The following ANKRD12 variants were observed in gnomAD, a reference collection of about 807,000 sequenced individuals.
ANKRD12 encodes ankyrin repeat domain 12.
A neutral mutation model predicts 183.4 loss-of-function variants in ANKRD12; 85 were observed. That is an observed-to-expected ratio of 0.46 (90% CI 0.39 to 0.56). ANKRD12 has a LOEUF of 0.56. Ranked by LOEUF, ANKRD12 falls within the 20% of genes least tolerant of loss-of-function variation. The pLI is 0.00. For missense variants in ANKRD12, 2,405 were observed against 2,357.1 expected (o/e 1.02, Z -0.42); for synonymous variants, 914 against 800.2 (o/e 1.14, Z -2.40).
In ANKRD12 at chr18:9,254,928, A is replaced by G. The variant is rs755522263; in HGVS notation, c.1661A>G (p.Gln554Arg). 1.9e-6 allele frequency: 3 copies of G among 1,584,072 alleles called. No homozygotes were observed. Among genetic ancestry groups the G allele is most frequent in the East Asian group, 4.5e-5 (2 of 44,446 alleles). The change falls in exon 9 of 13, where the codon CAG becomes CGG. Residue 554 changes from glutamine (Q) to arginine (R), a missense_variant. Physicochemically the swap from Gln to Arg is conservative, Grantham distance 43. This residue lies in a region of ANKRD12 where 1,983 missense variants were observed against 1,725.9 expected (regional missense o/e 1.15). Coordinates refer to ENST00000262126, the MANE Select transcript of ANKRD12 (RefSeq NM_015208.5). Reference protein sequence around the residue: ...PKHSCGLSEKQSTPLKQEHTK... With the variant: ...PKHSCGLSEKRSTPLKQEHTK... ...CATTCTTGTGGATTAAGTGAAAAAC[A>G]GTCAACACCACTAAAACAAGAACAT...
intron 10 of ANKRD12, among the ~76,000 whole-genome samples, chr18:9,272,089 A>C (rs976060564): frequency 6.6e-6 from 1 of 152,208 alleles, no homozygotes; most frequent in Admixed American, 6.5e-5. Flanking sequence ...GAAGCAATAC[A>C]TTGGCACACC....
chr18:9,209,597 T>C (rs1233193426), intron 5 of ANKRD12, among the ~76,000 whole-genome samples: 2 of 152,184 alleles, frequency 1.3e-5, no homozygotes, highest in Middle Eastern at 3.2e-3. Context: ...TGAGCGTATC[T>C]AATATCTGTC....
At chr18:9,153,621 AT>A (rs924679243) in intron 1 of ANKRD12, among the ~76,000 whole-genome samples, 1 of 151,514 alleles carries the variant, frequency 6.6e-6, no homozygotes, top group African/African-American at 2.4e-5. Flanking sequence ...ATTACTGGTC[AT>A]TTTTTCAAAT....
At chr18:9,170,970 C>T (rs74910346) in intron 1 of ANKRD12, among the ~76,000 whole-genome samples, 5 of 152,306 alleles carry the variant, frequency 3.3e-5, no homozygotes, top group Admixed American at 6.5e-5. Context: ...TAGAGGTCCA[C>T]TCCAGACCCT....
Position 9,283,349 on chromosome 18 carries a change from T to C in ANKRD12, c.*2223T>C, listed in dbSNP as rs1196979541. ...GTCTTAACCACAGTTCTCACTCTCT[T>C]AAATGGTACCTCAAAAAGCTGGAGC... On this transcript the variant is annotated 3_prime_UTR_variant, in exon 13 of 13. Coordinates refer to ENST00000262126, the MANE Select transcript of ANKRD12 (RefSeq NM_015208.5). 6.6e-6 allele frequency: 1 copy of C among 152,186 alleles called. No homozygotes were observed. Among genetic ancestry groups the C allele is most frequent in the Non-Finnish European group, 1.5e-5 (1 of 68,014 alleles). The allele number at this position is 152,186 out of a possible 1,614,324, so 9.4% of individuals were successfully genotyped here. A position where few individuals can be genotyped will look rare whatever the true frequency, so the allele number is the denominator to read the frequency against.
chr18:9,250,151 A>G (rs1372478136), intron 8 of ANKRD12: 2 of 152,186 alleles, frequency 1.3e-5, no homozygotes, highest in Non-Finnish European at 2.9e-5. Context: ...AATTGATTAC[A>G]ACTAGTTACA....
chr18:9,150,762 T>A (rs1262459564), intron 1 of ANKRD12, among the ~76,000 whole-genome samples: 1 of 152,192 alleles, frequency 6.6e-6, no homozygotes, highest in Non-Finnish European at 1.5e-5. Flanking sequence ...CAGGCCATTC[T>A]CCTGCCTCAG....
At chr18:9,238,845 G>A (rs2037496471) in intron 8 of ANKRD12, among the ~76,000 whole-genome samples, 1 of 152,176 alleles carries the variant, frequency 6.6e-6, no homozygotes, top group Admixed American at 6.5e-5. Context: ...TTTAAGGCTG[G>A]GTGCAGTGGC....
chr18:9,234,423 G>C (rs1274023875), intron 8 of ANKRD12, among the ~76,000 whole-genome samples: 1 of 152,198 alleles, frequency 6.6e-6, no homozygotes, highest in East Asian at 1.9e-4. Context: ...GCTGTATGCA[G>C]GGAGCTCTGG....
chr18:9,165,123 G>C (rs948741190), intron 1 of ANKRD12, among the ~76,000 whole-genome samples: 1 of 152,062 alleles, frequency 6.6e-6, no homozygotes, highest in African/African-American at 2.4e-5. Flanking sequence ...AGCTCTTCTC[G>C]TTGAACTGAA....
intron 8 of ANKRD12, among the ~76,000 whole-genome samples, chr18:9,228,413 T>A (rs2036847324): frequency 6.6e-6 from 1 of 152,184 alleles, no homozygotes; most frequent in Non-Finnish European, 1.5e-5. Flanking sequence ...CCATAGCAGT[T>A]GTACTAATTT....
At chr18:9,208,559 CAT>C (rs1340408030) in intron 4 of ANKRD12, 96 bp from the exon 5 acceptor site, 1 of 986,038 alleles carries the variant, frequency 1.0e-6, no homozygotes, top group Non-Finnish European at 1.4e-6. Flanking sequence ...ACACATTTCT[CAT>C]ATATATGTAC....
chr18:9,144,263 G>A (rs956839689), intron 1 of ANKRD12, among the ~76,000 whole-genome samples: 1 of 151,942 alleles, frequency 6.6e-6, no homozygotes, highest in Non-Finnish European at 1.5e-5. Context: ...ATAATAAAAA[G>A]GTTATTAATT....
chr18:9,170,020 T>C (rs1425956688), intron 1 of ANKRD12, among the ~76,000 whole-genome samples: 1 of 152,240 alleles, frequency 6.6e-6, no homozygotes, highest in East Asian at 1.9e-4. Context: ...TTATTTTCTT[T>C]AAGAATGTTG....
Position 9,255,541 on chromosome 18 carries a change from C to A in ANKRD12, c.2274C>A (p.Ser758Arg). ...KEERDKIKKE[S>R]EKSFREEKIK... is the part of the protein sequence containing the mutation. Reference sequence around the variant, plus strand: ...AACGAGACAAGATTAAAAAGGAAAGCGAGAAATCTTTTAGGGAGGAAAAAA... The same window carrying A: ...AACGAGACAAGATTAAAAAGGAAAGAGAGAAATCTTTTAGGGAGGAAAAAA... The change falls in exon 9 of 13, where the codon AGC (serine) becomes AGA (arginine). Residue 758 changes from serine to arginine, a missense_variant. Ser to Arg is a moderately radical substitution (Grantham distance 110). Around this residue, in one of 7 missense-constraint regions of ANKRD12, gnomAD observed 1,983 missense variants for 1,725.9 expected, o/e 1.15. Transcript: ENST00000262126. 1 of 1,572,584 alleles carries A rather than the reference C, an allele frequency of 6.4e-7. No homozygotes were observed. Among genetic ancestry groups the A allele is most frequent in the Non-Finnish European group, 8.6e-7 (1 of 1,167,944 alleles).
At chr18:9,230,633 T>C (rs925285503) in intron 8 of ANKRD12, among the ~76,000 whole-genome samples, 1 of 151,748 alleles carries the variant, frequency 6.6e-6, no homozygotes, top group Non-Finnish European at 1.5e-5. Context: ...CAGGTTTTGG[T>C]ATGTTGTGTT....
At chr18:9,221,795 G>T in intron 7 of ANKRD12, 57 bp from the exon 8 acceptor site, 2 of 1,559,442 alleles carry the variant, frequency 1.3e-6, no homozygotes, top group Non-Finnish European at 1.8e-6. Context: ...CAAGAGAATG[G>T]GTGCAGTGAT....
chr18:9,264,939 T>C (rs982549305), intron 10 of ANKRD12, among the ~76,000 whole-genome samples: 8 of 152,234 alleles, frequency 5.3e-5, no homozygotes, highest in African/African-American at 1.9e-4. Flanking sequence ...GGGTGATTTC[T>C]GCATTTCCCA....
At chr18:9,171,058 C>T (rs2032668373) in intron 1 of ANKRD12, among the ~76,000 whole-genome samples, 2 of 152,176 alleles carry the variant, frequency 1.3e-5, no homozygotes, top group African/African-American at 4.8e-5. Flanking sequence ...CTGATTGTTC[C>T]TCTGGAAGTT....
Sources: allele counts gnomAD v4.1 joint callset (sites outside exome capture counted in the v4.1 genomes callset), GRCh38; gene constraint gnomAD v4.1.1; regional missense constraint gnomAD v4.1.1; transcripts MANE v1.5; gene names NCBI Gene and HGNC (gene_info 2026-07-23, HGNC 2026-07-21).